Variants in CERS5 observed in about 807,000 individuals in gnomAD.
CERS5 encodes the protein ceramide synthase 5, also known as LAG1 homolog, ceramide synthase 5.
Under a neutral mutation model 58.9 loss-of-function variants are expected in CERS5, and 37 were observed. The ratio of observed to expected loss-of-function variants is 0.63; its 90% CI spans 0.48 to 0.83. The LOEUF is 0.83. Ranked by LOEUF, CERS5 falls within the 40% of genes least tolerant of loss-of-function variation. The pLI, the probability that CERS5 is intolerant of heterozygous loss-of-function variation, is 0.00. For missense variants in CERS5, 398 were observed against 489.3 expected (o/e 0.81, Z 1.76); for synonymous variants, 147 against 177.8 (o/e 0.83, Z 1.38).
chr12:50,146,648 AG>A (rs1249566290), intron 1 of CERS5, among the ~76,000 whole-genome samples: 2 of 152,098 alleles, frequency 1.3e-5, no homozygotes, highest in Non-Finnish European at 2.9e-5. Context: ...TCACGAGGTC[AG>A]GAGATCGAGA....
chr12:50,156,245 C>CA (rs1055580367), intron 1 of CERS5, among the ~76,000 whole-genome samples: 6 of 147,134 alleles, frequency 4.1e-5, no homozygotes, highest in Admixed American at 1.4e-4. Context: ...ACTAAAAATA[C>CA]AAAAAAAAAT....
intron 1 of CERS5, among the ~76,000 whole-genome samples, chr12:50,162,224 G>A (rs1319642658): frequency 5.7e-5 from 8 of 140,410 alleles, no homozygotes; most frequent in Non-Finnish European, 9.2e-5. Context: ...TATGAAGTGT[G>A]TAACAGGAAA....
intron 3 of CERS5, among the ~76,000 whole-genome samples, 181 bp downstream of exon 3, chr12:50,142,893 C>T (rs1023663004): frequency 2.0e-5 from 3 of 152,264 alleles, no homozygotes; most frequent in Middle Eastern, 6.8e-3. Context: ...GCAACATGCC[C>T]AAGAAACTTA....
chr12:50,161,520 T>C (rs960901488), intron 1 of CERS5, among the ~76,000 whole-genome samples: 6 of 152,062 alleles, frequency 3.9e-5, no homozygotes, highest in African/African-American at 1.4e-4. Context: ...CTCACGCCTG[T>C]AATCCTAGCA....
chr12:50,143,337 A>G, intron 2 of CERS5, 133 bp from the exon 3 acceptor site: 1 of 1,082,612 alleles, frequency 9.2e-7, no homozygotes, highest in Non-Finnish European at 1.3e-6. Flanking sequence ...GTTTTATCCC[A>G]AAGTCATTTT....
intron 1 of CERS5, among the ~76,000 whole-genome samples, chr12:50,153,296 T>TC (rs1555197237): frequency 1.6e-5 from 2 of 125,620 alleles, no homozygotes; most frequent in Admixed American, 8.9e-5. Flanking sequence ...TTTTTTTTTT[T>TC]CTGAGACGGA....
intron 1 of CERS5, chr12:50,144,787 A>G: frequency 6.5e-7 from 1 of 1,527,898 alleles, no homozygotes; most frequent in Non-Finnish European, 8.8e-7. Flanking sequence ...TCTTGGTTTC[A>G]TCATCTAAAA....
intron 9 of CERS5, among the ~76,000 whole-genome samples, chr12:50,132,404 A>G (rs1951376360): frequency 7.0e-6 from 1 of 143,216 alleles, no homozygotes; most frequent in African/African-American, 2.7e-5. Flanking sequence ...CTCTGTCTCA[A>G]AAATAAATAA....
chr12:50,137,520 C>T (rs1029268858), intron 6 of CERS5, among the ~76,000 whole-genome samples: 10 of 152,186 alleles, frequency 6.6e-5, no homozygotes, highest in African/African-American at 2.2e-4. Context: ...TAATTGTTCT[C>T]ATCCTGGGGC....
At chr12:50,136,706 A>G (rs1951714332) in intron 6 of CERS5, among the ~76,000 whole-genome samples, 1 of 152,134 alleles carries the variant, frequency 6.6e-6, no homozygotes, top group African/African-American at 2.4e-5. Context: ...CTGAGATTCT[A>G]TGACTCTTCT....
At chr12:50,135,643 A>G (rs1409040542) in intron 8 of CERS5, 89 bp downstream of exon 8, 8 of 963,000 alleles carry the variant, frequency 8.3e-6, no homozygotes, top group Non-Finnish European at 1.4e-5. Flanking sequence ...AATAGAATAG[A>G]ACAGAAAAAC....
intron 9 of CERS5, chr12:50,133,509 G>A (rs1255760475): frequency 1.0e-6 from 1 of 989,198 alleles, no homozygotes; most frequent in Non-Finnish European, 1.2e-6. Flanking sequence ...TCACCTTGTG[G>A]TGGCTTGTGA....
chr12:50,148,137 T>TC (rs1008947164), intron 1 of CERS5, among the ~76,000 whole-genome samples: 1 of 151,722 alleles, frequency 6.6e-6, no homozygotes, highest in Non-Finnish European at 1.5e-5. Context: ...ACCCTGTCTC[T>TC]CCCCAAAACA....
At chr12:50,153,841 C>T (rs1309763637) in intron 1 of CERS5, 2 of 420,192 alleles carry the variant, frequency 4.8e-6, no homozygotes, top group Admixed American at 5.5e-5. Context: ...ATAATCCCAG[C>T]TACTTGGAAG....
chr12:50,167,158 A>G lies in CERS5; in HGVS notation c.140T>C (p.Ile47Thr). 6.3e-7 allele frequency: 1 copy of G among 1,596,720 alleles called. No homozygotes were observed. The highest frequency in any genetic ancestry group is 8.5e-7 in the Non-Finnish European group (1 of 1,174,686). The change falls in exon 1 of 10, where the codon ATC becomes ACC. Residue 47 changes from isoleucine (I) to threonine (T), a missense_variant. By Grantham distance (89) the Ile-to-Thr change is moderately conservative. Transcript: ENST00000317551. ...CGCCGCCAGCGGGAACACCGAGAGG[A>G]TGTGCCGGCCGCGGGGGTAACCGTA... ...DGYGYPRGRH[I>T]LSVFPLAAGI...
chr12:50,167,320 C>A lies in CERS5; in HGVS notation c.-23G>T, dbSNP rs996387316. The A allele has an allele frequency of 8.9e-6, 13 of 1,463,580 alleles. No individual in the cohort carries two copies. Among genetic ancestry groups the A allele is most frequent in the Middle Eastern group, 1.9e-4 (1 of 5,222 alleles). The allele number at this position is 1,463,580 out of a possible 1,614,324, so 90.7% of individuals were successfully genotyped here. ...CATCTTACGCCCACCCCGAAGCCAC[C>A]GCCGCCACAAGCGTCAGCTGCCGCC... On this transcript the variant is annotated 5_prime_UTR_variant, in exon 1 of 10. Coordinates refer to ENST00000317551, the MANE Select transcript of CERS5 (RefSeq NM_147190.5).
intron 1 of CERS5, chr12:50,164,988 T>A (rs1939705746): frequency 6.8e-6 from 1 of 147,664 alleles, no homozygotes; most frequent in African/African-American, 2.4e-5. Context: ...AGTGATTACA[T>A]TGCCTTCCTC....
intron 1 of CERS5, chr12:50,165,774 C>A: frequency 3.7e-6 from 1 of 266,742 alleles, no homozygotes. Context: ...ATCATTTATG[C>A]TTGGATAAAG....
chr12:50,160,193 T>C (rs1332203107), intron 1 of CERS5, among the ~76,000 whole-genome samples: 1 of 150,548 alleles, frequency 6.6e-6, no homozygotes, highest in Non-Finnish European at 1.5e-5. Flanking sequence ...TAGTCCTAGC[T>C]ACTCAGGAGG....
Sources: allele counts gnomAD v4.1 joint callset (sites outside exome capture counted in the v4.1 genomes callset), GRCh38; gene constraint gnomAD v4.1.1; transcripts MANE v1.5; gene names NCBI Gene and HGNC (gene_info 2026-07-23, HGNC 2026-07-21).